The following ENOX1 variants were observed in gnomAD, a reference collection of about 807,000 sequenced individuals.
The protein encoded by ENOX1 is candidate growth-related and time keeping constitutive hydroquinone (NADH) oxidase.
ENOX1 carries 42 observed loss-of-function variants against 82.5 expected under a neutral mutation model. The ratio of observed to expected loss-of-function variants is 0.51; its 90% CI spans 0.40 to 0.66. ENOX1 has a LOEUF of 0.66. Among genes scored for constraint, ENOX1 ranks in the 30% least tolerant of loss-of-function variants. The probability of loss-of-function intolerance (pLI) is 0.00; values close to 1 mark genes in which losing one functional copy is unlikely to be tolerated. For missense variants in ENOX1, 608 were observed against 811.6 expected, an observed-to-expected ratio of 0.75 and a Z score of 3.05; for synonymous variants, 271 against 282.2, an observed-to-expected ratio of 0.96 and a Z score of 0.40.
chr13:43,656,808 T>C (rs1009427061), intron 2 of ENOX1, among the ~76,000 whole-genome samples: 4 of 152,200 alleles, frequency 2.6e-5, no homozygotes, highest in Admixed American at 1.3e-4. Flanking sequence ...CTTTCTATTT[T>C]TTTTCAGCTA....
chr13:43,500,099 T>C (rs1386886172), intron 2 of ENOX1, among the ~76,000 whole-genome samples: 1 of 152,052 alleles, frequency 6.6e-6, no homozygotes, highest in Non-Finnish European at 1.5e-5. Flanking sequence ...TAAGCTAATA[T>C]ATGGACTAGC....
chr13:43,496,766 T>C (rs2153665258), intron 2 of ENOX1, among the ~76,000 whole-genome samples: 1 of 152,290 alleles, frequency 6.6e-6, no homozygotes, highest in East Asian at 1.9e-4. Flanking sequence ...TGTGTCTATT[T>C]CATGATAACA....
At chr13:43,350,017 G>T (rs1175777396) in intron 8 of ENOX1, among the ~76,000 whole-genome samples, 1 of 152,130 alleles carries the variant, frequency 6.6e-6, no homozygotes, top group Non-Finnish European at 1.5e-5. Flanking sequence ...AATTCTACAG[G>T]GGGTGGGAAA....
chr13:43,431,439 C>T (rs1457533381), intron 3 of ENOX1, among the ~76,000 whole-genome samples: 6 of 152,210 alleles, frequency 3.9e-5, no homozygotes, highest in Non-Finnish European at 8.8e-5. Flanking sequence ...AAAATAGCAA[C>T]TGCGTCACCT....
rs568700050 is a variant in ENOX1 at position 43,369,433 on chromosome 13, G to A, written c.209-7981C>T. 1.6e-4 allele frequency among the ~76,000 whole-genome samples: 24 copies of A among 152,242 alleles called. No individual in the cohort carries two copies. The South Asian group carries it at 4.1e-3, about 26-fold the overall frequency. ...AAATTTTAGTAAGTTGTTACGTTACGATTAAAAAGTAATGGTCATGTTTAC... is the reference window on the plus strand; with the variant it reads ...AAATTTTAGTAAGTTGTTACGTTACAATTAAAAAGTAATGGTCATGTTTAC... On this transcript the variant is annotated intron_variant, in intron 5 of 16. Coordinates refer to ENST00000690772, the MANE Select transcript of ENOX1 (RefSeq NM_001347969.2).
chr13:43,281,418 C>T (rs754028226), intron 12 of ENOX1, among the ~76,000 whole-genome samples: 20 of 151,946 alleles, frequency 1.3e-4, no homozygotes, highest in Non-Finnish European at 2.6e-4. Context: ...AGAAGTGAGC[C>T]GAGTTAGACC....
At chr13:43,442,682 A>T (rs538234561) in intron 3 of ENOX1, among the ~76,000 whole-genome samples, 1 of 152,272 alleles carries the variant, frequency 6.6e-6, no homozygotes, top group Admixed American at 6.5e-5. Flanking sequence ...TTTCACTGAG[A>T]TTTATGCCTA....
chr13:43,528,223 A>C (rs1014733015), intron 2 of ENOX1, among the ~76,000 whole-genome samples: 10 of 152,060 alleles, frequency 6.6e-5, no homozygotes, highest in Non-Finnish European at 1.3e-4. Context: ...ATAATTACTT[A>C]AGTAATATAA....
At chr13:43,236,518 A>G in intron 15 of ENOX1, 118 bp downstream of exon 15, 3 of 598,662 alleles carry the variant, frequency 5.0e-6, no homozygotes, top group Non-Finnish European at 8.2e-6. Context: ...GATGAAATTA[A>G]TCTCACCTTT....
intron 2 of ENOX1, among the ~76,000 whole-genome samples, chr13:43,623,667 A>T (rs2082844495): frequency 1.3e-5 from 2 of 152,012 alleles, no homozygotes; most frequent in Admixed American, 1.3e-4. Flanking sequence ...CTTGCGGTCG[A>T]TCTGGAGCTA....
At chr13:43,432,742 T>C (rs769464475) in intron 3 of ENOX1, among the ~76,000 whole-genome samples, 4 of 152,218 alleles carry the variant, frequency 2.6e-5, no homozygotes, top group African/African-American at 4.8e-5. Flanking sequence ...AGCCCTGAGA[T>C]TCATTTATGA....
intron 2 of ENOX1, among the ~76,000 whole-genome samples, chr13:43,653,591 G>C (rs537248340): frequency 6.8e-6 from 1 of 145,996 alleles, no homozygotes. Context: ...TAACATTAAG[G>C]CTTCAAATTT....
chr13:43,622,247 G>A (rs9567238), intron 2 of ENOX1, among the ~76,000 whole-genome samples: 111,485 of 152,040 alleles, frequency 0.73, 41,044 homozygotes, highest in East Asian at 0.95. Flanking sequence ...TTTCAGGTAA[G>A]TCAGGGATTT....
intron 3 of ENOX1, among the ~76,000 whole-genome samples, chr13:43,448,357 T>C (rs1347396828): frequency 2.0e-5 from 3 of 152,348 alleles, no homozygotes; most frequent in Non-Finnish European, 4.4e-5. Context: ...ATTTAAATAT[T>C]GTCAATGGTT....
chr13:43,755,721 A>T (rs1175266800), intron 1 of ENOX1, among the ~76,000 whole-genome samples: 3 of 152,252 alleles, frequency 2.0e-5, no homozygotes, highest in African/African-American at 7.2e-5. Context: ...CAACAAAAAT[A>T]AAATTATAAA....
At chr13:43,785,366 C>G (rs1000632512) in intron 1 of ENOX1, among the ~76,000 whole-genome samples, 2 of 152,188 alleles carry the variant, frequency 1.3e-5, no homozygotes, top group African/African-American at 4.8e-5. Context: ...TTCCTTCCCA[C>G]TTTCTCCACC....
chr13:43,288,527 C>A (rs946398236), intron 12 of ENOX1, among the ~76,000 whole-genome samples: 4 of 152,142 alleles, frequency 2.6e-5, no homozygotes, highest in Non-Finnish European at 1.5e-5. Context: ...TATTTGACTA[C>A]TTGTACATGA....
chr13:43,342,156 C>T (rs1415684203), intron 9 of ENOX1, among the ~76,000 whole-genome samples: 5 of 152,176 alleles, frequency 3.3e-5, no homozygotes, highest in African/African-American at 1.2e-4. Flanking sequence ...CAGAGAGAAA[C>T]ATCTTCTACT....
chr13:43,344,899 A>G (rs1233311884), intron 8 of ENOX1, 149 bp from the exon 9 acceptor site: 1 of 736,836 alleles, frequency 1.4e-6, no homozygotes, highest in Non-Finnish European at 2.2e-6. Flanking sequence ...TGACTGCCAT[A>G]TCATCACTTA....
Sources: allele counts gnomAD v4.1 joint callset (sites outside exome capture counted in the v4.1 genomes callset), GRCh38; gene constraint gnomAD v4.1.1; transcripts MANE v1.5; gene names NCBI Gene and HGNC (gene_info 2026-07-23, HGNC 2026-07-21).